The following SYNJ1 variants were observed in gnomAD, a reference collection of about 807,000 sequenced individuals.
SYNJ1 encodes polyphosphatidylinositol phosphatase SYNJ1.
SYNJ1 carries 78 observed loss-of-function variants against 168.2 expected under a neutral mutation model. The observed-to-expected ratio is 0.46, with a 90% CI of 0.39 to 0.56. SYNJ1 has a LOEUF of 0.56. SYNJ1 is among the 20% of genes least tolerant of loss of function. SYNJ1 has a pLI of 0.00. For missense variants in SYNJ1, 1,303 were observed against 1,597.6 expected, an observed-to-expected ratio of 0.82 and a Z score of 3.14; for synonymous variants, 539 against 548.6, an observed-to-expected ratio of 0.98 and a Z score of 0.24.
chr21:32,707,086 G>A (rs2042637347), intron 2 of SYNJ1, among the ~76,000 whole-genome samples: 1 of 151,196 alleles, frequency 6.6e-6, no homozygotes, highest in Non-Finnish European at 1.5e-5. Flanking sequence ...TTTTCATACT[G>A]TTGTTTCATC....
intron 23 of SYNJ1, among the ~76,000 whole-genome samples, chr21:32,649,437 CAA>C (rs1396384025): frequency 6.6e-6 from 1 of 152,132 alleles, no homozygotes; most frequent in East Asian, 1.9e-4. Flanking sequence ...TGTTAGAAAA[CAA>C]ATGCATTTAA....
chr21:32,655,459 C>G (rs1383991303), intron 21 of SYNJ1, among the ~76,000 whole-genome samples: 4 of 152,174 alleles, frequency 2.6e-5, no homozygotes. Flanking sequence ...AAAGTCTAAA[C>G]ACAATTTCTT....
intron 22 of SYNJ1, among the ~76,000 whole-genome samples, chr21:32,651,944 T>C (rs1335223770): frequency 6.6e-6 from 1 of 152,234 alleles, no homozygotes; most frequent in Non-Finnish European, 1.5e-5. Flanking sequence ...GGTTTCAATT[T>C]GTGTTTGCGT....
chr21:32,651,676 G>C (rs1372948739), intron 22 of SYNJ1, among the ~76,000 whole-genome samples: 2 of 152,020 alleles, frequency 1.3e-5, no homozygotes, highest in Non-Finnish European at 2.9e-5. Context: ...TATCCCCTTG[G>C]TAGAGACCAG....
intron 6 of SYNJ1, among the ~76,000 whole-genome samples, chr21:32,690,815 G>C (rs913056685): frequency 6.6e-6 from 1 of 152,178 alleles, no homozygotes; most frequent in Non-Finnish European, 1.5e-5. Context: ...CCAGCTACTC[G>C]GGATGCTGAG....
intron 22 of SYNJ1, among the ~76,000 whole-genome samples, chr21:32,651,972 G>A (rs1325838645): frequency 6.6e-6 from 1 of 152,114 alleles, no homozygotes; most frequent in South Asian, 2.1e-4. Flanking sequence ...TATCCCATTT[G>A]TGTTAATGTG....
chr21:32,638,966 G>A lies in SYNJ1; in HGVS notation c.3857C>T (p.Pro1286Leu). 1 of 1,614,088 alleles carries A rather than the reference G, an allele frequency of 6.2e-7. No homozygotes were observed. The highest frequency in any genetic ancestry group is 8.5e-7 in the Non-Finnish European group (1 of 1,179,950). The change falls in exon 31 of 33, where the codon CCA becomes CTA. Residue 1286 changes from proline to leucine, a missense_variant. By Grantham distance (98) the Pro-to-Leu change is moderately conservative (BLOSUM62 -3). Coordinates refer to ENST00000674351, the MANE Select transcript of SYNJ1 (RefSeq NM_203446.3). ...PQPNLETPPQ[P>L]PPRSRSSHSL... ...ATGGGATGACCTGCTTCGAGGTGGT[G>A]GTTGTGGTGGGGTTTCCAAATTTGG...
At chr21:32,644,427 A>G (rs942189382) in intron 26 of SYNJ1, among the ~76,000 whole-genome samples, 4 of 152,218 alleles carry the variant, frequency 2.6e-5, no homozygotes, top group African/African-American at 9.6e-5. Flanking sequence ...GATTTGTAAA[A>G]GTTCTTCTGA....
At chr21:32,667,639 GTCGGT>G (rs1401680812) in intron 15 of SYNJ1, among the ~76,000 whole-genome samples, 1 of 151,974 alleles carries the variant, frequency 6.6e-6, no homozygotes, top group Non-Finnish European at 1.5e-5. Flanking sequence ...GTGGCAGGAT[GTCGGT>G]TCACTGCAAC....
intron 15 of SYNJ1, among the ~76,000 whole-genome samples, chr21:32,666,978 T>C (rs1189753134): frequency 6.6e-6 from 1 of 152,180 alleles, no homozygotes; most frequent in East Asian, 1.9e-4. Context: ...AATACTTGCA[T>C]ATAACCCATG....
chr21:32,632,577 G>A (rs1391615071), intron 32 of SYNJ1, among the ~76,000 whole-genome samples: 1 of 151,960 alleles, frequency 6.6e-6, no homozygotes, highest in Non-Finnish European at 1.5e-5. Context: ...GTACAGATGG[G>A]GTTTCACTAT....
At chr21:32,711,632 G>A (rs2042834229) in intron 2 of SYNJ1, among the ~76,000 whole-genome samples, 1 of 152,082 alleles carries the variant, frequency 6.6e-6, no homozygotes, top group South Asian at 2.1e-4. Context: ...GCCCAGCAAT[G>A]ACTTATAATA....
At chr21:32,655,736 TTTAATGGTAC>T (rs1209912455) in intron 21 of SYNJ1, among the ~76,000 whole-genome samples, 1 of 152,158 alleles carries the variant, frequency 6.6e-6, no homozygotes, top group African/African-American at 2.4e-5. Context: ...TTTAAAGGGA[TTTAATGGTAC>T]CTCTTTCCCT....
intron 15 of SYNJ1, among the ~76,000 whole-genome samples, chr21:32,667,603 ACT>A (rs1446263113): frequency 1.3e-5 from 2 of 151,782 alleles, no homozygotes; most frequent in Non-Finnish European, 2.9e-5. Flanking sequence ...ATGGGGTCTC[ACT>A]CTGTCACCCA....
In SYNJ1 at chr21:32,727,978, G is replaced by A. The variant is rs1569146878; in HGVS notation, c.-55C>T. On this transcript the variant is annotated 5_prime_UTR_variant, in exon 1 of 33. Coordinates refer to ENST00000674351, the MANE Select transcript of SYNJ1 (RefSeq NM_203446.3). ...TCCGGCTCCTCCTCCTCCTTCTCCC[G>A]CAGCCGCCGCCACAGCCGCCGGGAG... 6 of 1,534,874 alleles carry A rather than the reference G, an allele frequency of 3.9e-6. No homozygotes were observed. The East Asian group carries it at 1.2e-4, about 31-fold the overall frequency.
At chr21:32,644,697 A>G (rs2039988721) in intron 26 of SYNJ1, among the ~76,000 whole-genome samples, 1 of 152,210 alleles carries the variant, frequency 6.6e-6, no homozygotes, top group Non-Finnish European at 1.5e-5. Flanking sequence ...TTCTGTATTT[A>G]CTGTACCTGA....
In SYNJ1 at chr21:32,694,319, A is replaced by G. The variant is rs752261171; in HGVS notation, c.706-8T>C. The G allele has an allele frequency of 4.5e-6, 7 of 1,541,844 alleles. No individual in the cohort carries two copies. Among genetic ancestry groups the G allele is most frequent in the East Asian group, 2.4e-5 (1 of 41,284 alleles). On this transcript the variant is annotated splice_region_variant and splice_polypyrimidine_tract_variant and intron_variant, in intron 5 of 32. Coordinates refer to ENST00000674351, the MANE Select transcript of SYNJ1 (RefSeq NM_203446.3). The stretch of plus-strand genomic sequence containing the variant: ...GTCATCTAAGTACACAACCTACAGA[A>G]AAAAAAATAATATGTAAACTATTTC...
At chr21:32,642,740 C>T (rs1458518091) in intron 27 of SYNJ1, among the ~76,000 whole-genome samples, 6 of 152,200 alleles carry the variant, frequency 3.9e-5, no homozygotes, top group Non-Finnish European at 8.8e-5. Flanking sequence ...TGTTCAAACT[C>T]ATTAGAAAGG....
chr21:32,727,719 G>A (rs997230254), intron 1 of SYNJ1: 5 of 974,682 alleles, frequency 5.1e-6, no homozygotes, highest in Admixed American at 3.5e-5. Flanking sequence ...TCCCGCGGGC[G>A]GGCTGACAGC....
Sources: allele counts gnomAD v4.1 joint callset (sites outside exome capture counted in the v4.1 genomes callset), GRCh38; gene constraint gnomAD v4.1.1; transcripts MANE v1.5; gene names NCBI Gene and HGNC (gene_info 2026-07-23, HGNC 2026-07-21).